The following ECSCR variants were observed in gnomAD, a reference collection of about 807,000 sequenced individuals.
The protein encoded by ECSCR is endothelial cell surface expressed chemotaxis and apoptosis regulator.
A neutral mutation model predicts 16.7 loss-of-function variants in ECSCR; 12 were observed. The ratio of observed to expected loss-of-function variants is 0.72; its 90% CI spans 0.46 to 1.17. ECSCR has a LOEUF of 1.17. ECSCR is among the 50% of genes most tolerant of loss of function. The pLI is 0.00. For missense variants in ECSCR, 122 were observed against 116.1 expected (o/e 1.05, Z -0.23); for synonymous variants, 44 against 42.2 (o/e 1.04, Z -0.17).
At position 139,458,169 on chromosome 5, in the gene ECSCR, G is replaced by A. The variant is rs1017434824; in HGVS notation, c.76C>T (p.Pro26Ser). Residue 26 changes from proline (P) to serine (S), a missense_variant, in exon 2 of 10, where the codon CCC becomes TCC. Transcript: ENST00000618155. ...FLLFRGHNSQ[P>S]TMTQTSSSQG... ...GAGCTAGAGGTCTGGGTCATTGTGG[G>A]CTGGGAGTTGTGGCCTGCAAGAGAA... 3.2e-6 allele frequency: 5 copies of A among 1,549,610 alleles called. No individual in the cohort carries two copies. The highest frequency in any genetic ancestry group is 4.4e-6 in the Non-Finnish European group (5 of 1,146,998).
In ECSCR at chr5:139,450,669, G is replaced by A. The variant is rs190630301; in HGVS notation, c.513-1495C>T. ...CTCATGCCTGTAGTCCCAGCTACTC[G>A]GGAGGCTGAGGCAGGAGAATCACTT... On this transcript the variant is annotated intron_variant, in intron 8 of 9. Transcript: ENST00000618155. Among the ~76,000 whole-genome samples, 17 of 151,694 alleles carry A rather than the reference G, an allele frequency of 1.1e-4. No homozygotes were observed. The East Asian group carries it at 2.3e-3, about 21-fold the overall frequency.
chr5:139,462,584 AT>A, intron 1 of ECSCR, 25 bp downstream of exon 1: 1 of 1,586,014 alleles, frequency 6.3e-7, no homozygotes, highest in African/African-American at 1.3e-5. Context: ...AGGAATTGCC[AT>A]GGGAAAGCGG....
intron 4 of ECSCR, 88 bp from the exon 5 acceptor site, chr5:139,456,606 C>T (rs1751164166): frequency 2.5e-6 from 1 of 397,386 alleles, no homozygotes; most frequent in Admixed American, 4.4e-5. Flanking sequence ...TCTTCCCTGC[C>T]TGAGAGGACT....
In ECSCR at chr5:139,454,543, G is replaced by T. The variant is rs1272917597; in HGVS notation, c.512+59C>A. On this transcript the variant is annotated intron_variant, in intron 8 of 9. Transcript: ENST00000618155. ...GTGGGTGTGGAAGGCAGGAAGTGTT[G>T]GTTCCCTCTGGGAGTTGGGGTCTGG... The T allele has an allele frequency of 4.3e-5, 17 of 397,880 alleles. No individual in the cohort carries two copies. In the Admixed American group the frequency reaches 5.7e-4, roughly 13 times the overall value. The allele number at this position is 397,880 out of a possible 1,614,324, so 24.6% of individuals were successfully genotyped here.
At chr5:139,451,655 G>A (rs1434718765) in intron 8 of ECSCR, among the ~76,000 whole-genome samples, 1 of 145,842 alleles carries the variant, frequency 6.9e-6, no homozygotes, top group Non-Finnish European at 1.5e-5. Flanking sequence ...ATGTTGTTTG[G>A]GTGGATATGT....
Position 139,455,179 on chromosome 5 carries a change from C to G in ECSCR, c.376+144G>C, listed in dbSNP as rs1581434545. On this transcript the variant is annotated intron_variant, in intron 6 of 9. Coordinates refer to ENST00000618155, the MANE Select transcript of ECSCR (RefSeq NM_001077693.4). ...GAAGAGCTAACTGGAGGGCAGGGGC[C>G]CCCCTCCACAAGGGTCTTCCTTATC... 3 of 245,188 alleles carry G rather than the reference C, an allele frequency of 1.2e-5. No individual in the cohort carries two copies. In the East Asian group the frequency reaches 1.3e-4, roughly 11 times the overall value. 15.2% of individuals were successfully genotyped at this position (245,188 alleles called of 1,614,324 possible).
chr5:139,459,873 C>T (rs560115691), intron 1 of ECSCR, among the ~76,000 whole-genome samples: 1 of 152,354 alleles, frequency 6.6e-6, no homozygotes, highest in East Asian at 1.9e-4. Context: ...GGGCTATCAT[C>T]TGGATAGTGT....
intron 5 of ECSCR, among the ~76,000 whole-genome samples, chr5:139,455,700 G>A (rs1751141452): frequency 6.6e-6 from 1 of 151,898 alleles, no homozygotes. Context: ...ATGTTGGCCT[G>A]GTGCGGTGGC....
intron 5 of ECSCR, among the ~76,000 whole-genome samples, chr5:139,455,813 C>CCA (rs1751144663): frequency 1.6e-5 from 1 of 60,922 alleles, no homozygotes; most frequent in Non-Finnish European, 3.7e-5. Flanking sequence ...CCCATCTCTC[C>CCA]TAAAAAAAAA....
chr5:139,454,554 G>A (rs1004011576), intron 8 of ECSCR, 48 bp downstream of exon 8: 6 of 398,106 alleles, frequency 1.5e-5, no homozygotes, highest in South Asian at 1.3e-4. Flanking sequence ...GTTCCCTCTG[G>A]GAGTTGGGGT....
Position 139,448,890 on chromosome 5 carries a change from A to AAAGTTGCT in ECSCR, c.*2_*9dup, listed in dbSNP as rs1561473902. The stretch of plus-strand genomic sequence containing the variant: ...ATCATCCTTGGACTCATGGGGACCC[A>AAAGTTGCT]AAGTTGCTTTTAAAGAACCTGCAAA... On this transcript the variant is annotated 3_prime_UTR_variant, in exon 10 of 10. Transcript: ENST00000618155. 1 of 1,537,258 alleles carries AAAGTTGCT rather than the reference A, an allele frequency of 6.5e-7. No homozygotes were observed. Among genetic ancestry groups the AAAGTTGCT allele is most frequent in the East Asian group, 2.4e-5 (1 of 40,924 alleles).
At chr5:139,460,263 G>A (rs1751267711) in intron 1 of ECSCR, among the ~76,000 whole-genome samples, 1 of 151,994 alleles carries the variant, frequency 6.6e-6, no homozygotes, top group South Asian at 2.1e-4. Context: ...AGCCTCCTGA[G>A]TAGCTGGGAT....
chr5:139,462,532 T>A, intron 1 of ECSCR, 78 bp downstream of exon 1: 2 of 1,414,446 alleles, frequency 1.4e-6, no homozygotes, highest in Non-Finnish European at 2.0e-6. Context: ...AGCATGTGTC[T>A]CCTGAGAAAG....
intron 8 of ECSCR, among the ~76,000 whole-genome samples, chr5:139,450,478 TA>T (rs377766547): frequency 0.015 from 1,929 of 126,666 alleles, 18 homozygotes; most frequent in African/African-American, 0.022. Context: ...GCCTGTCCCT[TA>T]AAAAAAAAAA....
intron 8 of ECSCR, among the ~76,000 whole-genome samples, chr5:139,451,847 A>C (rs1254497052): frequency 5.9e-5 from 8 of 136,386 alleles, no homozygotes; most frequent in African/African-American, 2.0e-4. Flanking sequence ...TGTGTAGTAT[A>C]GGATGTATGT....
At chr5:139,450,340 T>TA (rs1288135235) in intron 8 of ECSCR, among the ~76,000 whole-genome samples, 2 of 151,846 alleles carry the variant, frequency 1.3e-5, no homozygotes, top group South Asian at 2.1e-4. Flanking sequence ...TTATATCTAT[T>TA]AAAAAAATTA....
At chr5:139,458,024 C>T (rs1751197762) in intron 2 of ECSCR, 115 bp downstream of exon 2, 3 of 1,281,606 alleles carry the variant, frequency 2.3e-6, no homozygotes, top group African/African-American at 1.5e-5. Flanking sequence ...AGAGCTCCCG[C>T]TCCAGCTGCG....
intron 5 of ECSCR, among the ~76,000 whole-genome samples, chr5:139,455,841 AG>A (rs1298480019): frequency 7.9e-4 from 118 of 149,348 alleles, no homozygotes; most frequent in African/African-American, 2.7e-3. Context: ...AAAAAAAAAA[AG>A]ACCGGGCACG....
Position 139,458,023 on chromosome 5 carries a change from G to A in ECSCR, c.106+116C>T, listed in dbSNP as rs375893455. 2.1e-4 allele frequency: 261 copies of A among 1,265,186 alleles called. 1 individual carries two copies. Among genetic ancestry groups the A allele is most frequent in the African/African-American group, 2.8e-4 (19 of 66,930 alleles). The allele number at this position is 1,265,186 out of a possible 1,614,324, so 78.4% of individuals were successfully genotyped here. On this transcript the variant is annotated intron_variant, in intron 2 of 9. Coordinates refer to ENST00000618155, the MANE Select transcript of ECSCR (RefSeq NM_001077693.4). ...GCCTTGGTGAGTCCTGAGAGCTCCC[G>A]CTCCAGCTGCGGCCCCAGCCCCCTG... is the stretch of plus-strand genomic sequence containing the variant.
Sources: gnomAD v4.1 joint callset for allele counts (sites outside exome capture counted in the v4.1 genomes callset) on GRCh38, gnomAD v4.1.1 for gene constraint, MANE v1.5 for transcripts, NCBI Gene and HGNC (gene_info 2026-07-23, HGNC 2026-07-21) for gene names.